HS3ST2: variants seen among roughly 807,000 people sequenced by gnomAD.
HS3ST2 encodes heparan sulfate glucosamine 3-O-sulfotransferase 2.
Under a neutral mutation model 26.3 loss-of-function variants are expected in HS3ST2, and 17 were observed. That is an observed-to-expected ratio of 0.65 (90% CI 0.44 to 0.97). HS3ST2 has a LOEUF of 0.97. HS3ST2 is among the 50% of genes least tolerant of loss of function. HS3ST2 has a pLI of 0.00. For missense variants in HS3ST2, 402 were observed against 501.2 expected, an observed-to-expected ratio of 0.80 and a Z score of 1.89; for synonymous variants, 237 against 219.2, an observed-to-expected ratio of 1.08 and a Z score of -0.72.
chr16:22,857,248 C>T (rs897577522), intron 1 of HS3ST2, among the ~76,000 whole-genome samples: 1 of 152,178 alleles, frequency 6.6e-6, no homozygotes, highest in Non-Finnish European at 1.5e-5. Context: ...ATTTTAAACA[C>T]AAGTCAGTAT....
At chr16:22,862,494 G>A (rs920528689) in intron 1 of HS3ST2, among the ~76,000 whole-genome samples, 10 of 152,108 alleles carry the variant, frequency 6.6e-5, no homozygotes, top group East Asian at 3.9e-4. Context: ...TTACCTGCCC[G>A]GCTCCTGCAG....
At chr16:22,827,979 T>A (rs565358092) in intron 1 of HS3ST2, among the ~76,000 whole-genome samples, 1 of 152,148 alleles carries the variant, frequency 6.6e-6, no homozygotes, top group East Asian at 1.9e-4. Flanking sequence ...AGTGCTAGGA[T>A]TACAGGCCTG....
intron 1 of HS3ST2, among the ~76,000 whole-genome samples, chr16:22,897,438 T>G (rs1902225457): frequency 6.6e-6 from 1 of 152,230 alleles, no homozygotes; most frequent in East Asian, 1.9e-4. Flanking sequence ...GCACCAATAT[T>G]GTTTTGAGTC....
intron 1 of HS3ST2, among the ~76,000 whole-genome samples, chr16:22,906,268 G>A (rs572212519): frequency 6.6e-6 from 1 of 152,180 alleles, no homozygotes; most frequent in East Asian, 1.9e-4. Context: ...CTACTTGGGA[G>A]GCTGTAACAG....
At chr16:22,859,985 A>T (rs1306393028) in intron 1 of HS3ST2, among the ~76,000 whole-genome samples, 7 of 152,040 alleles carry the variant, frequency 4.6e-5, no homozygotes. Flanking sequence ...TTCCTCAAAC[A>T]TGTCAGGTTC....
chr16:22,895,956 T>C (rs986344490), intron 1 of HS3ST2, among the ~76,000 whole-genome samples: 2 of 152,032 alleles, frequency 1.3e-5, no homozygotes, highest in Admixed American at 1.3e-4. Flanking sequence ...GTGGATTTGA[T>C]GTATCAAATT....
At chr16:22,833,582 T>G (rs1901207552) in intron 1 of HS3ST2, 2 of 306,698 alleles carry the variant, frequency 6.5e-6, no homozygotes, top group South Asian at 6.3e-5. Context: ...TAAAGACTCT[T>G]CCTCTGGGCT....
chr16:22,860,036 A>G (rs1901653072), intron 1 of HS3ST2, among the ~76,000 whole-genome samples: 1 of 152,136 alleles, frequency 6.6e-6, no homozygotes, highest in South Asian at 2.1e-4. Context: ...TCTTACTGGA[A>G]TTCTCTTTCC....
chr16:22,883,402 A>G (rs1027912600), intron 1 of HS3ST2, among the ~76,000 whole-genome samples: 1 of 152,234 alleles, frequency 6.6e-6, no homozygotes, highest in African/African-American at 2.4e-5. Context: ...AATAGGAGAT[A>G]TTTTTCTGGG....
At chr16:22,894,304 G>T (rs1056977806) in intron 1 of HS3ST2, among the ~76,000 whole-genome samples, 1 of 152,140 alleles carries the variant, frequency 6.6e-6, no homozygotes, top group Non-Finnish European at 1.5e-5. Context: ...GGGGCTCCCT[G>T]GTTCAATATT....
At chr16:22,910,922 G>T (rs1319314263) in intron 1 of HS3ST2, among the ~76,000 whole-genome samples, 1 of 152,142 alleles carries the variant, frequency 6.6e-6, no homozygotes, top group Non-Finnish European at 1.5e-5. Flanking sequence ...GGAGAGGCAG[G>T]TTGAAGGAGT....
chr16:22,899,328 T>G (rs990060427), intron 1 of HS3ST2, among the ~76,000 whole-genome samples: 3 of 152,174 alleles, frequency 2.0e-5, no homozygotes, highest in African/African-American at 7.2e-5. Flanking sequence ...CTCAGCCTAG[T>G]GCTGGGCAGA....
intron 1 of HS3ST2, among the ~76,000 whole-genome samples, chr16:22,868,759 G>A (rs540378660): frequency 4.6e-5 from 7 of 152,184 alleles, no homozygotes; most frequent in African/African-American, 1.2e-4. Context: ...AGCTGGGGGC[G>A]CCTGTTTAAC....
At chr16:22,837,775 T>C (rs1901289358) in intron 1 of HS3ST2, among the ~76,000 whole-genome samples, 1 of 151,936 alleles carries the variant, frequency 6.6e-6, no homozygotes. Flanking sequence ...ATTATAACTA[T>C]ACTATAATAA....
chr16:22,855,608 A>ATT (rs1901580287), intron 1 of HS3ST2, among the ~76,000 whole-genome samples: 1 of 150,702 alleles, frequency 6.6e-6, no homozygotes, highest in Admixed American at 6.6e-5. Flanking sequence ...TCAATCTCTG[A>ATT]TTTTCTCCCA....
At chr16:22,887,055 T>G (rs2141199213) in intron 1 of HS3ST2, among the ~76,000 whole-genome samples, 1 of 152,262 alleles carries the variant, frequency 6.6e-6, no homozygotes, top group South Asian at 2.1e-4. Context: ...CCTGATCTAA[T>G]TCCACTTTTA....
intron 1 of HS3ST2, among the ~76,000 whole-genome samples, chr16:22,824,865 C>T (rs1158045688): frequency 6.6e-6 from 1 of 152,082 alleles, no homozygotes; most frequent in African/African-American, 2.4e-5. Context: ...TCCCTAGCCT[C>T]AGTGCTTGCT....
At chr16:22,905,642 T>C (rs1228344052) in intron 1 of HS3ST2, among the ~76,000 whole-genome samples, 1 of 152,160 alleles carries the variant, frequency 6.6e-6, no homozygotes, top group Non-Finnish European at 1.5e-5. Flanking sequence ...AGTACCAGCC[T>C]TTGTCCAGGT....
chr16:22,863,828 T>C (rs1429890753), intron 1 of HS3ST2, among the ~76,000 whole-genome samples: 2 of 152,272 alleles, frequency 1.3e-5, no homozygotes, highest in African/African-American at 4.8e-5. Context: ...TCAATGGCAA[T>C]TACCTGCCAC....
Sources: gnomAD v4.1 joint callset for allele counts (sites outside exome capture counted in the v4.1 genomes callset) on GRCh38, gnomAD v4.1.1 for gene constraint, MANE v1.5 for transcripts, NCBI Gene and HGNC (gene_info 2026-07-23, HGNC 2026-07-21) for gene names.